Variants in NBPF8 observed in about 807,000 individuals in gnomAD.
NBPF8 encodes NBPF member 8, also known as NBPF family member NBPF8.
intron 11 of NBPF8, among the ~76,000 whole-genome samples, chr1:120,450,328 A>T (rs1220006783): frequency 1.3e-5 from 2 of 151,936 alleles, no homozygotes; most frequent in African/African-American, 4.9e-5. Context: ...CTTGTTGCTA[A>T]AGAGGAAGAA....
At chr1:120,462,495 G>A (rs1342484932) in intron 20 of NBPF8, among the ~76,000 whole-genome samples, 18 of 124,098 alleles carry the variant, frequency 1.5e-4, no homozygotes, top group African/African-American at 5.2e-4. Flanking sequence ...ACTGTTCGCT[G>A]TGTGTCCCGA....
chr1:120,428,521 T>C (rs1660784449), intron 3 of NBPF8, among the ~76,000 whole-genome samples: 1 of 151,898 alleles, frequency 6.6e-6, no homozygotes, highest in Non-Finnish European at 1.5e-5. Flanking sequence ...TCTTTTATGA[T>C]GAAGGAGAAA....
intron 1 of NBPF8, among the ~76,000 whole-genome samples, chr1:120,424,518 G>A (rs1271767229): frequency 1.3e-5 from 2 of 152,080 alleles, no homozygotes; most frequent in Non-Finnish European, 2.9e-5. Flanking sequence ...CGCCATCTCA[G>A]CTCACTGCAA....
upstream of NBPF8, among the ~76,000 whole-genome samples, chr1:120,418,572 A>T (rs1660488001): frequency 3.3e-5 from 5 of 151,060 alleles, no homozygotes; most frequent in South Asian, 1.1e-3. Context: ...TTTTCTTGAG[A>T]CAGTGTCTCG....
intron 11 of NBPF8, among the ~76,000 whole-genome samples, chr1:120,449,758 G>A (rs1556606475): frequency 1.3e-5 from 2 of 152,152 alleles, no homozygotes; most frequent in Non-Finnish European, 2.9e-5. Context: ...TGTTCTAAAT[G>A]TCTGAGACTA....
chr1:120,462,126 C>T lies in NBPF8; in HGVS notation n.3010-20C>T. 1 of 386,562 alleles carries T rather than the reference C, an allele frequency of 2.6e-6. No homozygotes were observed. Among genetic ancestry groups the T allele is most frequent in the Non-Finnish European group, 4.5e-6 (1 of 221,882 alleles). 23.9% of individuals were successfully genotyped at this position (386,562 alleles called of 1,614,324 possible). On this transcript the variant is annotated intron_variant and non_coding_transcript_variant, in intron 19 of 24. Transcript: ENST00000583271. ...GGAGAACCAGCTTAATATGTCTGTC[C>T]ATGTCTGAACTTATTGCAGAAATTG...
At chr1:120,454,175 A>T in intron 15 of NBPF8, 61 bp downstream of exon 13, 4 of 1,498,304 alleles carry the variant, frequency 2.7e-6, no homozygotes, top group Non-Finnish European at 3.7e-6. Context: ...TAAACTCTGA[A>T]GACAGGCTCT....
intron 3 of NBPF8, among the ~76,000 whole-genome samples, chr1:120,430,774 A>G (rs1447396916): frequency 1.4e-5 from 2 of 147,782 alleles, no homozygotes; most frequent in Non-Finnish European, 3.0e-5. Flanking sequence ...AAAAAAAAAA[A>G]GGAAAGTCAA....
rs1660795502 is a variant in NBPF8 at position 120,428,999 on chromosome 1, CA to C, written n.510+1153del. ...AGCTAGTATTCTCCTTTTGTTTCCC[CA>C]TAACATCCCCTCCTCCTTCCCACAG... On this transcript the variant is annotated intron_variant and non_coding_transcript_variant, in intron 3 of 28. Transcript: ENST00000652355. Among the ~76,000 whole-genome samples, 7 of 149,440 alleles carry C rather than the reference CA, an allele frequency of 4.7e-5. No individual in the cohort carries two copies. In the South Asian group the frequency reaches 1.5e-3, roughly 32 times the overall value.
intron 1 of NBPF8, among the ~76,000 whole-genome samples, chr1:120,420,557 G>C (rs1238386453): frequency 2.0e-5 from 3 of 150,812 alleles, no homozygotes; most frequent in Admixed American, 2.0e-4. Flanking sequence ...GCACTGTCCT[G>C]GGTGGGGAGA....
downstream of NBPF8, among the ~76,000 whole-genome samples, chr1:120,468,978 A>G (rs1661830966): frequency 1.3e-5 from 2 of 152,220 alleles, no homozygotes; most frequent in African/African-American, 4.8e-5. Context: ...TGAGTCTCTA[A>G]GTTGACCCCT....
intron 12 of NBPF8, among the ~76,000 whole-genome samples, 165 bp from the exon 11 acceptor site, chr1:120,451,952 C>A (rs1661286826): frequency 6.6e-6 from 1 of 151,906 alleles, no homozygotes; most frequent in Non-Finnish European, 1.5e-5. Context: ...AGCCTGTAAA[C>A]CATTTTCTAT....
exon 21 of NBPF8, chr1:120,462,896 A>C (rs1297932451): frequency 2.3e-6 from 1 of 442,476 alleles, no homozygotes; most frequent in East Asian, 3.7e-5. Context: ...TGCCTGACTT[A>C]GGCCAGCCCT....
At chr1:120,433,975 C>T (rs1462964640), upstream of NBPF8, 60 of 166,934 alleles carry the variant, frequency 3.6e-4, no homozygotes, top group East Asian at 8.3e-3. Context: ...CCTGGGACGG[C>T]GGCCCAGATG....
At chr1:120,435,639 G>A (rs1309022045), upstream of NBPF8, among the ~76,000 whole-genome samples, 3 of 149,242 alleles carry the variant, frequency 2.0e-5, no homozygotes, top group Admixed American at 6.6e-5. Context: ...TCAGGAGATC[G>A]AGACCATCGT....
intron 20 of NBPF8, 93 bp from the exon 19 acceptor site, chr1:120,462,701 A>T (rs1661627169): frequency 8.6e-6 from 2 of 232,144 alleles, no homozygotes; most frequent in Non-Finnish European, 1.5e-5. Flanking sequence ...TTTTCTTTTT[A>T]AACAGTTCCT....
chr1:120,454,702 G>GTTTT (rs1570940919), intron 15 of NBPF8, among the ~76,000 whole-genome samples: 3 of 21,764 alleles, frequency 1.4e-4, no homozygotes, highest in African/African-American at 9.0e-4. Context: ...TAGCATCGTG[G>GTTTT]ATTTTTTTTT....
At chr1:120,455,996 A>T (rs1661426109) in intron 16 of NBPF8, among the ~76,000 whole-genome samples, 1 of 152,074 alleles carries the variant, frequency 6.6e-6, no homozygotes, top group African/African-American at 2.4e-5. Context: ...TTCAAAGAAC[A>T]TCTTTATTTC....
exon 25 of NBPF8, chr1:120,466,621 C>A: frequency 5.2e-6 from 1 of 192,590 alleles, no homozygotes; most frequent in South Asian, 7.3e-5. Flanking sequence ...ATGAACCTAA[C>A]CTCATTCTTT....
Sources: allele counts gnomAD v4.1 joint callset (sites outside exome capture counted in the v4.1 genomes callset), GRCh38; gene constraint gnomAD v4.1.1; transcripts MANE v1.5; gene names NCBI Gene and HGNC (gene_info 2026-07-23, HGNC 2026-07-21).